Variants in PRKG1 observed in about 807,000 individuals in gnomAD.
The protein encoded by PRKG1 is cGMP-dependent protein kinase 1.
Under a neutral mutation model 88.1 loss-of-function variants are expected in PRKG1, and 35 were observed. That is an observed-to-expected ratio of 0.40 (90% CI 0.30 to 0.53). The LOEUF is 0.53. Among genes scored for constraint, PRKG1 ranks in the 20% least tolerant of loss-of-function variants. PRKG1 has a pLI of 0.59. For missense variants in PRKG1, 540 were observed against 839.8 expected (o/e 0.64, Z 4.41); for synonymous variants, 303 against 292.5 (o/e 1.04, Z -0.37).
In PRKG1 at chr10:51,941,113, A is replaced by G. The variant is rs528671545; in HGVS notation, c.762+33543A>G. ...CCTAATTTGAGGAACAATAAATCAA[A>G]AACAGAGCATCTTAGAATCAGTGAA... On this transcript the variant is annotated intron_variant, in intron 5 of 17. Transcript: ENST00000373980. Among the ~76,000 whole-genome samples the G allele has an allele frequency of 4.9e-4, 74 of 150,658 alleles. 1 individual carries two copies. Among genetic ancestry groups the G allele is most frequent in the African/African-American group, 1.7e-3 (71 of 41,180 alleles).
intron 2 of PRKG1, among the ~76,000 whole-genome samples, chr10:51,454,864 A>C (rs1839538967): frequency 6.6e-6 from 1 of 152,142 alleles, no homozygotes; most frequent in Non-Finnish European, 1.5e-5. Flanking sequence ...GGAAGAACCA[A>C]ACCACATCAT....
chr10:52,006,498 A>G (rs1209434935), intron 5 of PRKG1, among the ~76,000 whole-genome samples: 1 of 152,174 alleles, frequency 6.6e-6, no homozygotes, highest in African/African-American at 2.4e-5. Flanking sequence ...TGTTATTAAC[A>G]GCAGAATAGA....
At chr10:51,922,851 A>G (rs1444076141) in intron 5 of PRKG1, among the ~76,000 whole-genome samples, 1 of 152,040 alleles carries the variant, frequency 6.6e-6, no homozygotes, top group African/African-American at 2.4e-5. Flanking sequence ...GTAAACCTGA[A>G]TAAAATGTGT....
intron 2 of PRKG1, among the ~76,000 whole-genome samples, chr10:51,370,742 G>A (rs1383063993): frequency 6.6e-6 from 1 of 151,918 alleles, no homozygotes; most frequent in Non-Finnish European, 1.5e-5. Flanking sequence ...AAAATATTAT[G>A]TCAATGTGAA....
chr10:52,169,393 A>G (rs992030581), intron 9 of PRKG1, among the ~76,000 whole-genome samples: 5 of 152,162 alleles, frequency 3.3e-5, no homozygotes, highest in African/African-American at 9.7e-5. Context: ...GTAACCTCAC[A>G]TGGCAGAAGG....
At position 51,334,429 on chromosome 10, in the gene PRKG1, T is replaced by C. The variant is rs186544252; in HGVS notation, c.479-133294T>C. Among the ~76,000 whole-genome samples the C allele has an allele frequency of 3.0e-3, 457 of 152,314 alleles. 2 individuals carry two copies. Among genetic ancestry groups the C allele is most frequent in the Middle Eastern group, 0.01 (3 of 294 alleles). On this transcript the variant is annotated intron_variant, in intron 2 of 17. Transcript: ENST00000373980. ...GAAGAAACCGTGGCCTGGAATATAA[T>C]AGACACTCAATAAACATTTATTGTT...
chr10:51,184,459 G>A (rs898441674), intron 2 of PRKG1, among the ~76,000 whole-genome samples: 15 of 150,946 alleles, frequency 9.9e-5, no homozygotes, highest in African/African-American at 3.5e-4. Context: ...ACCGTATTTT[G>A]TTTCCAAACA....
At chr10:51,608,162 G>A (rs1481567392) in intron 3 of PRKG1, among the ~76,000 whole-genome samples, 2 of 151,914 alleles carry the variant, frequency 1.3e-5, no homozygotes, top group Non-Finnish European at 2.9e-5. Context: ...CAAAGTTTCT[G>A]TCAACAACAG....
At chr10:52,004,369 G>T (rs566199308) in intron 5 of PRKG1, among the ~76,000 whole-genome samples, 1 of 152,234 alleles carries the variant, frequency 6.6e-6, no homozygotes, top group Admixed American at 6.5e-5. Context: ...TGATAAACAG[G>T]TAGAAATTCC....
At chr10:51,401,192 A>G (rs975314454) in intron 2 of PRKG1, among the ~76,000 whole-genome samples, 2 of 152,248 alleles carry the variant, frequency 1.3e-5, no homozygotes, top group South Asian at 2.1e-4. Context: ...TCCAAAAATT[A>G]TTAGTGAGTT....
intron 2 of PRKG1, among the ~76,000 whole-genome samples, chr10:51,405,736 CA>C: frequency 6.6e-6 from 1 of 152,206 alleles, no homozygotes; most frequent in East Asian, 1.9e-4. Flanking sequence ...ACCTTGCTCC[CA>C]TAAAAGGTAT....
intron 5 of PRKG1, among the ~76,000 whole-genome samples, chr10:51,970,410 G>A (rs1169443628): frequency 4.7e-5 from 7 of 149,136 alleles, no homozygotes; most frequent in Admixed American, 1.3e-4. Flanking sequence ...TGTCTTTTAT[G>A]ACATTATATA....
chr10:52,070,558 T>C (rs1472981648), intron 7 of PRKG1, among the ~76,000 whole-genome samples: 7 of 152,214 alleles, frequency 4.6e-5, no homozygotes, highest in African/African-American at 1.7e-4. Flanking sequence ...GCATTATTTC[T>C]GCATATATTC....
At chr10:51,164,215 T>C (rs1028134375) in intron 2 of PRKG1, among the ~76,000 whole-genome samples, 6 of 152,046 alleles carry the variant, frequency 3.9e-5, no homozygotes, top group African/African-American at 1.4e-4. Context: ...AGAGGAACGA[T>C]CAGACAGCAG....
chr10:51,738,469 A>G (rs1236217442), intron 3 of PRKG1, among the ~76,000 whole-genome samples: 1 of 152,368 alleles, frequency 6.6e-6, no homozygotes, highest in East Asian at 1.9e-4. Context: ...TTCTTCCTGC[A>G]TGAAGCAGTT....
chr10:51,639,431 C>A (rs1839739270), intron 3 of PRKG1, among the ~76,000 whole-genome samples: 1 of 79,448 alleles, frequency 1.3e-5, no homozygotes, highest in Admixed American at 2.2e-4. Flanking sequence ...AGCCAGACTC[C>A]ATCTCAAAAA....
intron 9 of PRKG1, among the ~76,000 whole-genome samples, chr10:52,197,617 C>T (rs1305973820): frequency 6.6e-6 from 1 of 152,176 alleles, no homozygotes; most frequent in African/African-American, 2.4e-5. Flanking sequence ...TGTTTGAAAA[C>T]TTTGAGTAAG....
At chr10:51,073,262 G>A (rs2132800432), upstream of PRKG1, among the ~76,000 whole-genome samples, 1 of 152,212 alleles carries the variant, frequency 6.6e-6, no homozygotes, top group South Asian at 2.1e-4. Context: ...AGAGGTGGGG[G>A]TGACTGCAGT....
intron 2 of PRKG1, among the ~76,000 whole-genome samples, chr10:51,372,679 A>G (rs1033417226): frequency 6.0e-4 from 92 of 152,114 alleles, no homozygotes; most frequent in African/African-American, 2.2e-3. Context: ...AAAACATTAC[A>G]AATGGAAATA....
Sources: allele counts gnomAD v4.1 joint callset (sites outside exome capture counted in the v4.1 genomes callset), GRCh38; gene constraint gnomAD v4.1.1; transcripts MANE v1.5; gene names NCBI Gene and HGNC (gene_info 2026-07-23, HGNC 2026-07-21).